Variants in DDX10 observed in about 807,000 individuals in gnomAD.
DDX10 encodes the protein DEAD-box helicase 10.
In DDX10, 74 loss-of-function variants were observed where a neutral mutation model predicts 104.3. The ratio of observed to expected loss-of-function variants is 0.71; its 90% confidence interval spans 0.59 to 0.86. The LOEUF is 0.86. DDX10 is among the 40% of genes least tolerant of loss of function. DDX10 has a pLI of 0.00. For synonymous variants in DDX10, 351 were observed against 353.4 expected (o/e 0.99, Z 0.08); for missense variants, 952 against 1,040.0 (o/e 0.92, Z 1.16).
At chr11:108,856,961 C>A (rs1345519341) in intron 16 of DDX10, among the ~76,000 whole-genome samples, 1 of 146,966 alleles carries the variant, frequency 6.8e-6, no homozygotes, top group Admixed American at 7.0e-5. Flanking sequence ...TTTTGAACTT[C>A]CAGGGAATAT....
chr11:108,737,788 A>G (rs1468687500), intron 13 of DDX10, among the ~76,000 whole-genome samples: 2 of 152,164 alleles, frequency 1.3e-5, no homozygotes, highest in African/African-American at 4.8e-5. Flanking sequence ...CTCAGTGACA[A>G]CCATGATAAG....
At chr11:108,747,314 GATCAGTTGGTAGTGAT>G (rs1252154596) in intron 13 of DDX10, among the ~76,000 whole-genome samples, 2 of 152,166 alleles carry the variant, frequency 1.3e-5, no homozygotes. Flanking sequence ...ATGCTTAACT[GATCAGTTGGTAGTGAT>G]ACCCTGGAGC....
chr11:108,865,228 C>A (rs995579453), intron 16 of DDX10, among the ~76,000 whole-genome samples: 1 of 152,062 alleles, frequency 6.6e-6, no homozygotes, highest in South Asian at 2.1e-4. Flanking sequence ...AGCCTGGGAC[C>A]CTGATTTCTC....
intron 16 of DDX10, among the ~76,000 whole-genome samples, chr11:108,900,087 G>A (rs1358147209): frequency 6.6e-6 from 1 of 151,784 alleles, no homozygotes; most frequent in African/African-American, 2.4e-5. Context: ...ACTCCAGCCT[G>A]GACAGCAAGA....
At chr11:108,694,681 C>G (rs182467787) in intron 9 of DDX10, among the ~76,000 whole-genome samples, 222 of 152,238 alleles carry the variant, frequency 1.5e-3, no homozygotes, top group African/African-American at 5.2e-3. Flanking sequence ...GAGTTCAAGA[C>G]CAGCCTGAGC....
Position 108,917,968 on chromosome 11 carries a change from A to G in DDX10, c.2400A>G (p.Lys800=), listed in dbSNP as rs571457554. Reference sequence around the variant, plus strand: ...CAAGCACACTCCCAGATCCAGATAAATACAGAAGCTCTGAAGATTCAGATA... The same window carrying G: ...CAAGCACACTCCCAGATCCAGATAAGTACAGAAGCTCTGAAGATTCAGATA... ...FDPSTLPDPD[K]YRSSEDSDSE... is the part of the protein sequence containing the mutation. The change falls in exon 17 of 18, where the codon AAA becomes AAG. Residue 800 remains lysine (K), a synonymous_variant. Coordinates refer to ENST00000322536, the MANE Select transcript of DDX10 (RefSeq NM_004398.4). 2.5e-6 allele frequency: 4 copies of G among 1,613,658 alleles called. No individual in the cohort carries two copies. The East Asian group carries it at 8.9e-5, about 36-fold the overall frequency.
intron 16 of DDX10, among the ~76,000 whole-genome samples, chr11:108,896,354 A>ATTTT (rs11447538): frequency 6.7e-6 from 1 of 148,522 alleles, no homozygotes; most frequent in Non-Finnish European, 1.5e-5. Flanking sequence ...TCCTTCACAT[A>ATTTT]TTTTTTTTTT....
chr11:108,880,974 G>T (rs1210335142), intron 16 of DDX10, among the ~76,000 whole-genome samples: 1 of 152,026 alleles, frequency 6.6e-6, no homozygotes, highest in Non-Finnish European at 1.5e-5. Flanking sequence ...ATTTTTATAA[G>T]TACCACATAT....
intron 16 of DDX10, among the ~76,000 whole-genome samples, chr11:108,911,816 C>T (rs974675365): frequency 6.6e-6 from 1 of 151,828 alleles, no homozygotes; most frequent in Non-Finnish European, 1.5e-5. Context: ...TCTGCCCTGG[C>T]CTCCAAAAAA....
intron 9 of DDX10, among the ~76,000 whole-genome samples, chr11:108,695,769 T>TG (rs972319773): frequency 1.3e-5 from 2 of 151,904 alleles, no homozygotes. Context: ...TGTTTTTTTT[T>TG]TTTGTTTTTT....
At chr11:108,937,838 G>A (rs558466646) in intron 17 of DDX10, among the ~76,000 whole-genome samples, 71 of 152,224 alleles carry the variant, frequency 4.7e-4, no homozygotes, top group African/African-American at 1.3e-3. Flanking sequence ...CCATGCTTTT[G>A]CTTTTTAAGA....
At chr11:108,812,603 G>A (rs1196638105) in intron 13 of DDX10, among the ~76,000 whole-genome samples, 1 of 152,040 alleles carries the variant, frequency 6.6e-6, no homozygotes, top group East Asian at 1.9e-4. Context: ...ATGTTCTTCT[G>A]TAACTGTTGA....
chr11:108,674,971 T>G (rs1301506697), intron 2 of DDX10, among the ~76,000 whole-genome samples: 1 of 152,162 alleles, frequency 6.6e-6, no homozygotes, highest in African/African-American at 2.4e-5. Context: ...TAAGTGAGAT[T>G]ATGTGGCATC....
chr11:108,873,187 T>A (rs1378228626), intron 16 of DDX10, among the ~76,000 whole-genome samples: 1 of 152,176 alleles, frequency 6.6e-6, no homozygotes, highest in Admixed American at 6.5e-5. Flanking sequence ...AGTGGCCCTT[T>A]TATTAGAGTA....
chr11:108,901,321 G>A (rs949741850), intron 16 of DDX10, among the ~76,000 whole-genome samples: 7 of 152,164 alleles, frequency 4.6e-5, no homozygotes, highest in African/African-American at 1.4e-4. Context: ...CAAGCTAATC[G>A]TAGTCCTAGA....
At chr11:108,863,158 G>A (rs192305852) in intron 16 of DDX10, among the ~76,000 whole-genome samples, 79 of 152,246 alleles carry the variant, frequency 5.2e-4, no homozygotes, top group Admixed American at 8.5e-4. Context: ...CTTAGCCTCT[G>A]TAACGTACCT....
At chr11:108,767,084 A>G (rs1330637279) in intron 13 of DDX10, among the ~76,000 whole-genome samples, 1 of 152,184 alleles carries the variant, frequency 6.6e-6, no homozygotes, top group Non-Finnish European at 1.5e-5. Context: ...AAAAAGCAGT[A>G]GTAGGCACTA....
At chr11:108,863,298 TA>T (rs1862964350) in intron 16 of DDX10, among the ~76,000 whole-genome samples, 1 of 152,164 alleles carries the variant, frequency 6.6e-6, no homozygotes, top group Non-Finnish European at 1.5e-5. Flanking sequence ...GATAAAATGT[TA>T]AACTTGGAAA....
At chr11:108,757,984 G>C (rs1039687650) in intron 13 of DDX10, among the ~76,000 whole-genome samples, 2 of 151,932 alleles carry the variant, frequency 1.3e-5, no homozygotes, top group African/African-American at 4.8e-5. Context: ...AGACTTCCCT[G>C]TGCTTATGCT....
Sources: gnomAD v4.1 joint callset for allele counts (sites outside exome capture counted in the v4.1 genomes callset) on GRCh38, gnomAD v4.1.1 for gene constraint, MANE v1.5 for transcripts, NCBI Gene and HGNC (gene_info 2026-07-23, HGNC 2026-07-21) for gene names.